The following PLA2G4A variants were observed in gnomAD, a reference collection of about 807,000 sequenced individuals.
PLA2G4A encodes the protein cytosolic phospholipase A2.
Under a neutral mutation model 81.9 loss-of-function variants are expected in PLA2G4A, and 40 were observed. The observed-to-expected ratio is 0.49, with a 90% CI of 0.38 to 0.64. The LOEUF (loss-of-function observed/expected upper bound fraction) is 0.64. PLA2G4A is among the 30% of genes least tolerant of loss of function. PLA2G4A has a pLI of 0.00. For missense variants in PLA2G4A, 715 were observed against 905.1 expected (o/e 0.79, Z 2.69); for synonymous variants, 302 against 296.9 (o/e 1.02, Z -0.18).
intron 3 of PLA2G4A, among the ~76,000 whole-genome samples, chr1:186,891,818 A>G (rs972948785): frequency 6.6e-6 from 1 of 152,196 alleles, no homozygotes; most frequent in African/African-American, 2.4e-5. Flanking sequence ...TATACTCAGC[A>G]GTGGGATTGC....
chr1:186,839,207 C>G (rs1453163236), intron 1 of PLA2G4A, among the ~76,000 whole-genome samples: 1 of 152,222 alleles, frequency 6.6e-6, no homozygotes, highest in Non-Finnish European at 1.5e-5. Flanking sequence ...AGTCAGGCAG[C>G]ATGGTGAGAA....
chr1:186,914,619 G>A (rs1655076726), intron 7 of PLA2G4A, among the ~76,000 whole-genome samples: 1 of 152,116 alleles, frequency 6.6e-6, no homozygotes, highest in Non-Finnish European at 1.5e-5. Context: ...GAACAGAATA[G>A]GACAGGGATT....
At chr1:186,884,187 T>C (rs1476519446) in intron 3 of PLA2G4A, among the ~76,000 whole-genome samples, 1 of 151,676 alleles carries the variant, frequency 6.6e-6, no homozygotes, top group Non-Finnish European at 1.5e-5. Context: ...CATTATTAAA[T>C]TATAAACATA....
chr1:186,898,034 G>A (rs981232060), intron 5 of PLA2G4A, among the ~76,000 whole-genome samples: 2 of 151,996 alleles, frequency 1.3e-5, no homozygotes, highest in Non-Finnish European at 2.9e-5. Context: ...CCAATGTTTA[G>A]CTTGCACTTA....
At chr1:186,841,875 T>C (rs1288223033) in intron 1 of PLA2G4A, among the ~76,000 whole-genome samples, 2 of 152,162 alleles carry the variant, frequency 1.3e-5, no homozygotes, top group East Asian at 3.8e-4. Flanking sequence ...GTGAAGTGGT[T>C]AGACGTTATC....
chr1:186,830,940 TGC>T lies in PLA2G4A; in HGVS notation c.-70+1906_-70+1907del, dbSNP rs1558338782. 3.5e-4 allele frequency among the ~76,000 whole-genome samples: 35 copies of T among 98,960 alleles called. 1 individual carries two copies. In the East Asian group the frequency reaches 4.2e-3, roughly 12 times the overall value. The allele number at this position is 98,960 out of a possible 152,430, so 64.9% of individuals were successfully genotyped here. Reference sequence around the variant, plus strand: ...CCTTCTTGCTCCAGATTGTATAGCTTGCTTGCTTGCTTGCTTGCTTTCTTTCT... The same window carrying T: ...CCTTCTTGCTCCAGATTGTATAGCTTTTGCTTGCTTGCTTGCTTTCTTTCT... On this transcript the variant is annotated intron_variant, in intron 1 of 17. Coordinates refer to ENST00000367466, the MANE Select transcript of PLA2G4A (RefSeq NM_024420.3).
At chr1:186,911,491 C>A in intron 7 of PLA2G4A, 102 bp downstream of exon 7, 1 of 877,788 alleles carries the variant, frequency 1.1e-6, no homozygotes, top group Admixed American at 1.8e-5. Flanking sequence ...TGAGATTGAG[C>A]ATTATTCCTT....
intron 2 of PLA2G4A, among the ~76,000 whole-genome samples, chr1:186,868,090 T>G (rs1176171172): frequency 2.3e-5 from 3 of 130,528 alleles, no homozygotes; most frequent in Non-Finnish European, 5.1e-5. Context: ...TTTTTTTTTT[T>G]TTTTGAGACA....
rs72714308 is a variant in PLA2G4A, at chr1:186,973,766, C to T, written c.1765-3827C>T. On this transcript the variant is annotated intron_variant, in intron 15 of 17. Transcript: ENST00000367466. ...GCTCTTGAAGCCTAATACTAGCATG[C>T]CTTTTATTAAAAGTAAGAGAGACTA... Among the ~76,000 whole-genome samples the T allele has an allele frequency of 2.0e-5, 3 of 152,068 alleles. No homozygotes were observed. In the South Asian group the frequency reaches 6.2e-4, roughly 32 times the overall value.
At chr1:186,916,148 C>G (rs963367188) in intron 7 of PLA2G4A, among the ~76,000 whole-genome samples, 1 of 134,786 alleles carries the variant, frequency 7.4e-6, no homozygotes, top group African/African-American at 2.9e-5. Flanking sequence ...GTTTGAAACA[C>G]TGGCTCAGGA....
At chr1:186,953,287 A>G (rs999805868) in intron 13 of PLA2G4A, among the ~76,000 whole-genome samples, 7 of 152,062 alleles carry the variant, frequency 4.6e-5, no homozygotes, top group African/African-American at 1.7e-4. Flanking sequence ...GTATCTTTTT[A>G]TTGTTTTAAT....
chr1:186,912,934 G>T (rs1655015214), intron 7 of PLA2G4A, among the ~76,000 whole-genome samples: 1 of 149,698 alleles, frequency 6.7e-6, no homozygotes, highest in South Asian at 2.1e-4. Flanking sequence ...AATATAAAAG[G>T]ATTAAAATTA....
chr1:186,967,682 A>G (rs1370030536), intron 15 of PLA2G4A, among the ~76,000 whole-genome samples: 5 of 152,132 alleles, frequency 3.3e-5, no homozygotes, highest in African/African-American at 1.2e-4. Context: ...TACTGGAGTT[A>G]ATGAACAGGG....
intron 10 of PLA2G4A, among the ~76,000 whole-genome samples, chr1:186,940,694 A>G (rs1289197382): frequency 1.3e-5 from 2 of 152,206 alleles, no homozygotes; most frequent in East Asian, 1.9e-4. Flanking sequence ...ACAAGGAACA[A>G]AAGTCTGTAC....
intron 7 of PLA2G4A, among the ~76,000 whole-genome samples, chr1:186,919,388 C>T (rs1255988187): frequency 2.6e-5 from 4 of 152,204 alleles, no homozygotes; most frequent in African/African-American, 9.7e-5. Context: ...AGCGTACCTG[C>T]TGTCTGCAGA....
chr1:186,891,977 A>G (rs1654159610), intron 3 of PLA2G4A, among the ~76,000 whole-genome samples: 1 of 152,064 alleles, frequency 6.6e-6, no homozygotes, highest in Non-Finnish European at 1.5e-5. Context: ...GCCTGGATAT[A>G]AGCCATTTTA....
At chr1:186,931,994 T>G (rs725892) in intron 7 of PLA2G4A, among the ~76,000 whole-genome samples, 145,995 of 152,194 alleles carry the variant, frequency 0.96, 70,062 homozygotes, top group East Asian at 1. Flanking sequence ...TAACCTGAAG[T>G]CAAGGTGCTT....
chr1:186,966,184 CTG>C (rs1657124148), intron 15 of PLA2G4A, among the ~76,000 whole-genome samples: 1 of 149,128 alleles, frequency 6.7e-6, no homozygotes, highest in Non-Finnish European at 1.5e-5. Flanking sequence ...TGGACTGTAT[CTG>C]TAAGAGGATG....
chr1:186,960,385 T>G (rs1415807522), intron 14 of PLA2G4A, among the ~76,000 whole-genome samples: 1 of 152,188 alleles, frequency 6.6e-6, no homozygotes, highest in Non-Finnish European at 1.5e-5. Context: ...TTTAAGGAAA[T>G]GTTACATAAT....
Sources: allele counts gnomAD v4.1 joint callset (sites outside exome capture counted in the v4.1 genomes callset), GRCh38; gene constraint gnomAD v4.1.1; transcripts MANE v1.5; gene names NCBI Gene and HGNC (gene_info 2026-07-23, HGNC 2026-07-21).